KRT25: variants seen among roughly 807,000 people sequenced by gnomAD.
KRT25 encodes keratin, type I cytoskeletal 25.
KRT25 carries 37 observed loss-of-function variants against 47.6 expected under a neutral mutation model. That is an observed-to-expected ratio of 0.78 (90% CI 0.60 to 1.02). The LOEUF (loss-of-function observed/expected upper bound fraction) is 1.02, where lower values mean the gene tolerates loss of function less well. Ranked by LOEUF, KRT25 falls within the 50% of genes least tolerant of loss-of-function variation. The pLI is 0.00. For missense variants in KRT25, 542 were observed against 550.3 expected, an observed-to-expected ratio of 0.98 and a Z score of 0.15; for synonymous variants, 203 against 210.2, an observed-to-expected ratio of 0.97 and a Z score of 0.30.
In KRT25 at chr17:40,750,364, A is replaced by AAG; in HGVS notation, c.1175+15_1175+16insCT. 3 of 1,612,528 alleles carry AAG rather than the reference A, an allele frequency of 1.9e-6. No individual in the cohort carries two copies. Among genetic ancestry groups the AAG allele is most frequent in the Non-Finnish European group, 2.5e-6 (3 of 1,178,572 alleles). On this transcript the variant is annotated intron_variant, in intron 6 of 7. Coordinates refer to ENST00000312150, the MANE Select transcript of KRT25 (RefSeq NM_181534.4). ...TTTCAGTATATTACGCCATCTATGC[A>AAG]GATTATTTTACCTACCCATCATCTC...
Position 40,748,358 on chromosome 17 carries a change from T to C in KRT25, c.1272A>G (p.Lys424=). Residue 424 remains lysine (K), a synonymous_variant, in exon 8 of 8, where the codon AAA becomes AAG. Transcript: ENST00000312150. Reference sequence around the variant, plus strand: ...TGCGTTGGTCTACCTCCTCAAGAACTTTCTTAACCACTATGGCTTTGGCTG... The same window carrying C: ...TGCGTTGGTCTACCTCCTCAAGAACCTTCTTAACCACTATGGCTTTGGCTG... ...KDPAKAIVVK[K]VLEEVDQRSK... is the part of the protein sequence containing the mutation. 6.2e-7 allele frequency: 1 copy of C among 1,612,762 alleles called. No homozygotes were observed. Among genetic ancestry groups the C allele is most frequent in the Non-Finnish European group, 8.5e-7 (1 of 1,179,388 alleles).
chr17:40,754,844 T>G lies in KRT25; in HGVS notation c.428A>C (p.Gln143Pro). The G allele has an allele frequency of 2.5e-6, 4 of 1,606,304 alleles. No individual in the cohort carries two copies. Among genetic ancestry groups the G allele is most frequent in the Non-Finnish European group, 3.4e-6 (4 of 1,175,658 alleles). The change falls in exon 1 of 8, where the codon CAG (glutamine) becomes CCG (proline). Residue 143 changes from glutamine to proline, a missense_variant and splice_region_variant. Gln to Pro is a moderately conservative substitution (Grantham distance 76). Transcript: ENST00000312150. ...TGATTGTGCAGTATGATTTCTTACC[T>G]GATTTTTAAGGTCATCAATTATTGG... is the stretch of plus-strand genomic sequence containing the variant. The part of the protein sequence containing the change: ...YFPIIDDLKN[Q>P]IIASTTSNAN...
chr17:40,750,606 A>C lies in KRT25; in HGVS notation c.958-9T>G. 6.2e-7 allele frequency: 1 copy of C among 1,613,670 alleles called. No individual in the cohort carries two copies. The highest frequency in any genetic ancestry group is 8.5e-7 in the Non-Finnish European group (1 of 1,179,596). On this transcript the variant is annotated splice_polypyrimidine_tract_variant and intron_variant, in intron 5 of 7. Transcript: ENST00000312150. ...CACTCCAGGGAGTGTTTCTGTCAGG[A>C]AGCAATAAAGAGAACTTGAAATGGA...
upstream of KRT25, among the ~76,000 whole-genome samples, chr17:40,755,497 A>G (rs1354286210): frequency 1.3e-5 from 2 of 152,098 alleles, no homozygotes; most frequent in Non-Finnish European, 2.9e-5. Context: ...TTCCTGTAGG[A>G]GGGCAGTTGC....
At position 40,754,968 on chromosome 17, in the gene KRT25, C is replaced by T. The variant is rs777497335; in HGVS notation, c.304G>A (p.Glu102Lys). 1 of 1,614,166 alleles carries T rather than the reference C, an allele frequency of 6.2e-7. No individual in the cohort carries two copies. Among genetic ancestry groups the T allele is most frequent in the South Asian group, 1.1e-5 (1 of 91,074 alleles). Residue 102 changes from glutamate to lysine, a missense_variant, in exon 1 of 8, where the codon GAG (glutamate) becomes AAG (lysine). Glu to Lys is a moderately conservative substitution (Grantham distance 56). Coordinates refer to ENST00000312150, the MANE Select transcript of KRT25 (RefSeq NM_181534.4). ...SYLDSVHALE[E>K]ANADLEQKIK... ...TTCTGCTCCAGGTCAGCGTTGGCCTCCTCCAGAGCATGCACACTGTCCAGG... is the reference window on the plus strand; with the variant it reads ...TTCTGCTCCAGGTCAGCGTTGGCCTTCTCCAGAGCATGCACACTGTCCAGG...
At chr17:40,748,955 A>T (rs773413036) in intron 7 of KRT25, among the ~76,000 whole-genome samples, 1 of 152,208 alleles carries the variant, frequency 6.6e-6, no homozygotes, top group Non-Finnish European at 1.5e-5. Flanking sequence ...GCAGGAACAG[A>T]AAACCAAACA....
rs2038085523 is a variant in KRT25 at position 40,754,458 on chromosome 17, G to A, written c.440C>T (p.Ser147Phe). ...AACAGCATTAGCATTGCTGGTGGTG[G>A]ATGCGATGATCTAGAAATGGGAATT... The part of the protein sequence containing the change: ...IDDLKNQIIA[S>F]TTSNANAVLQ... The change falls in exon 2 of 8, where the codon TCC (serine) becomes TTC (phenylalanine). Residue 147 changes from serine to phenylalanine, a missense_variant. Coordinates refer to ENST00000312150, the MANE Select transcript of KRT25 (RefSeq NM_181534.4). 8 of 1,613,548 alleles carry A rather than the reference G, an allele frequency of 5.0e-6. No homozygotes were observed. The highest frequency in any genetic ancestry group is 6.8e-6 in the Non-Finnish European group (8 of 1,179,558).
rs762943019 is a variant in KRT25 at position 40,753,921 on chromosome 17, A to G, written c.608T>C (p.Leu203Pro). The change falls in exon 3 of 8, where the codon CTG (leucine) becomes CCG (proline). Residue 203 changes from leucine to proline, a missense_variant. Leu to Pro is a moderately conservative substitution (Grantham distance 98, BLOSUM62 -3). Transcript: ENST00000312150. ...ACTCAGGGTTTCATACTGAATCTCCAGATCTGTTCTGCACAGGGTTATTTC... is the reference window on the plus strand; with the variant it reads ...ACTCAGGGTTTCATACTGAATCTCCGGATCTGTTCTGCACAGGGTTATTTC... ...LDEITLCRTDLEIQYETLSEE... is the reference protein window; with the variant it reads ...LDEITLCRTDPEIQYETLSEE... The G allele has an allele frequency of 1.2e-6, 2 of 1,614,038 alleles. No homozygotes were observed. Among genetic ancestry groups the G allele is most frequent in the Non-Finnish European group, 1.7e-6 (2 of 1,179,986 alleles).
Position 40,748,340 on chromosome 17 carries a change from G to T in KRT25, c.1290C>A (p.Asp430Glu), listed in dbSNP as rs780207544. 3.1e-6 allele frequency: 5 copies of T among 1,612,846 alleles called. No individual in the cohort carries two copies. The African/African-American group carries it at 5.3e-5, about 17-fold the overall frequency. Residue 430 changes from aspartate (D) to glutamate (E), a missense_variant, in exon 8 of 8, where the codon GAC (aspartate) becomes GAA (glutamate). Transcript: ENST00000312150. ...IVVKKVLEEVDQRSKILTTRL... is the reference protein window; with the variant it reads ...IVVKKVLEEVEQRSKILTTRL... ...TGGTGGTAAGTATTTTGCTGCGTTG[G>T]TCTACCTCCTCAAGAACTTTCTTAA...
chr17:40,748,024 C>T lies in KRT25; in HGVS notation c.*253G>A. ...CTAAAGACAGTATCACCAATGATAA[C>T]TTGCTAAAGAAGAGGTTTATTGAAT... On this transcript the variant is annotated 3_prime_UTR_variant, in exon 8 of 8. Coordinates refer to ENST00000312150, the MANE Select transcript of KRT25 (RefSeq NM_181534.4). The T allele has an allele frequency of 3.3e-6, 1 of 300,454 alleles. No individual in the cohort carries two copies. Among genetic ancestry groups the T allele is most frequent in the Non-Finnish European group, 6.1e-6 (1 of 165,158 alleles). The allele number at this position is 300,454 out of a possible 1,614,324, so 18.6% of individuals were successfully genotyped here. A position where few individuals can be genotyped will look rare whatever the true frequency, so the allele number is the denominator to read the frequency against.
chr17:40,755,359 A>G (rs1310708523), upstream of KRT25: 1 of 1,245,856 alleles, frequency 8.0e-7, no homozygotes, highest in Non-Finnish European at 1.1e-6. Context: ...TTGCCTTTTT[A>G]TAGGCAAGTC....
At position 40,748,305 on chromosome 17, in the gene KRT25, G is replaced by T; in HGVS notation, c.1325C>A (p.Ser442Tyr). The change falls in exon 8 of 8, where the codon TCC becomes TAC. Residue 442 changes from serine (S) to tyrosine (Y), a missense_variant. By Grantham distance (144) the Ser-to-Tyr change is moderately radical. Transcript: ENST00000312150. ...RSKILTTRLHSLEEKSQSN is the reference protein window; with the variant it reads ...RSKILTTRLHYLEEKSQSN ...ATTGCTTTGAGATTTCTCTTCCAGG[G>T]AGTGGAGCCTGGTGGTAAGTATTTT... 1.2e-6 allele frequency: 2 copies of T among 1,612,060 alleles called. No homozygotes were observed. Among genetic ancestry groups the T allele is most frequent in the Non-Finnish European group, 1.7e-6 (2 of 1,178,936 alleles).
At chr17:40,751,443 G>T (rs2038046801) in intron 3 of KRT25, 117 bp from the exon 4 acceptor site, 2 of 1,114,470 alleles carry the variant, frequency 1.8e-6, no homozygotes, top group South Asian at 1.7e-5. Flanking sequence ...GCTGTGCATT[G>T]ACCCCCTCCC....
At chr17:40,751,422 T>C in intron 3 of KRT25, 96 bp from the exon 4 acceptor site, 1 of 1,378,286 alleles carries the variant, frequency 7.3e-7, no homozygotes, top group Non-Finnish European at 9.7e-7. Context: ...CGTCTGGTTT[T>C]CCCCTCCCAG....
At chr17:40,748,491 T>A in intron 7 of KRT25, 105 bp from the exon 8 acceptor site, 1 of 669,840 alleles carries the variant, frequency 1.5e-6, no homozygotes, top group Non-Finnish European at 2.5e-6. Context: ...AACTTTGCAC[T>A]AAGCACAAAT....
At position 40,753,869 on chromosome 17, in the gene KRT25, G is replaced by A. The variant is rs769094210; in HGVS notation, c.660C>T (p.Asn220=). ...GACGACCAGCTCTTACCTCTTTATG[G>A]TTCTTTTTGAGGTAAGTCATCTCCT... The part of the protein sequence containing the change: ...LSEEMTYLKK[N]HKEEMQVLQC... Residue 220 remains asparagine (N), a synonymous_variant, in exon 3 of 8, where the codon AAC becomes AAT. Transcript: ENST00000312150. 6.2e-7 allele frequency: 1 copy of A among 1,613,836 alleles called. No individual in the cohort carries two copies. The highest frequency in any genetic ancestry group is 8.5e-7 in the Non-Finnish European group (1 of 1,179,884).
rs757053983 is a variant in KRT25, at chr17:40,751,020, A to C, written c.891T>G (p.Asn297Lys). The C allele has an allele frequency of 1.9e-5, 30 of 1,614,054 alleles. No homozygotes were observed. In the East Asian group the frequency reaches 6.5e-4, roughly 35 times the overall value. The change falls in exon 5 of 8, where the codon AAT becomes AAG. Residue 297 changes from asparagine to lysine, a missense_variant. Asn to Lys is a moderately conservative substitution (Grantham distance 94). Coordinates refer to ENST00000312150, the MANE Select transcript of KRT25 (RefSeq NM_181534.4). ...GAGTGCGCTTCATTTCAGTCAGCTC[A>C]TTCCGGGCTGAGGTTGTGGCTCCGA... ...EDVGATTSAR[N>K]ELTEMKRTLQ...
At position 40,754,958 on chromosome 17, in the gene KRT25, G is replaced by A; in HGVS notation, c.314C>T (p.Ala105Val). Residue 105 changes from alanine to valine, a missense_variant, in exon 1 of 8, where the codon GCT becomes GTT. Transcript: ENST00000312150. ...GCCCTTGATCTTCTGCTCCAGGTCA[G>A]CGTTGGCCTCCTCCAGAGCATGCAC... ...DSVHALEEAN[A>V]DLEQKIKGWY... The A allele has an allele frequency of 1.2e-6, 2 of 1,614,138 alleles. No homozygotes were observed. Among genetic ancestry groups the A allele is most frequent in the African/African-American group, 1.3e-5 (1 of 75,014 alleles).
intron 7 of KRT25, 84 bp downstream of exon 7, chr17:40,749,174 A>G: frequency 9.7e-7 from 1 of 1,032,852 alleles, no homozygotes; most frequent in Non-Finnish European, 1.5e-6. Flanking sequence ...CCTATGTAAC[A>G]AACCTTCCAA....
Sources: gnomAD v4.1 joint callset for allele counts (sites outside exome capture counted in the v4.1 genomes callset) on GRCh38, gnomAD v4.1.1 for gene constraint, MANE v1.5 for transcripts, NCBI Gene and HGNC (gene_info 2026-07-23, HGNC 2026-07-21) for gene names.